ZNF385B: variants seen among roughly 807,000 people sequenced by gnomAD.
ZNF385B encodes zinc finger protein 533.
A neutral mutation model predicts 39.2 loss-of-function variants in ZNF385B; 23 were observed. That is an observed-to-expected ratio of 0.59 (90% CI 0.42 to 0.83). The LOEUF is 0.83. Among genes scored for constraint, ZNF385B ranks in the 40% least tolerant of loss-of-function variants. The probability of loss-of-function intolerance (pLI) is 0.00; values close to 1 mark genes in which losing one functional copy is unlikely to be tolerated. For missense variants in ZNF385B, 552 were observed against 598.9 expected (o/e 0.92, Z 0.82); for synonymous variants, 205 against 222.6 (o/e 0.92, Z 0.70).
intron 5 of ZNF385B, among the ~76,000 whole-genome samples, chr2:179,493,661 GTATATGCATATGCATATACA>G (rs1260050248): frequency 1.7e-5 from 2 of 116,100 alleles, no homozygotes; most frequent in Non-Finnish European, 1.8e-5. Context: ...ATACATATAT[GTATATGCATATGCATATACA>G]TATACACATA....
In ZNF385B at chr2:179,805,008, G is replaced by T. The variant is rs573310326; in HGVS notation, c.-154-34336C>A. On this transcript the variant is annotated intron_variant, in intron 1 of 9. Transcript: ENST00000410066. ...CTCATGACACTCTTCTCATCAAGAG[G>T]TGGGCAATTCAATTCCCTCATGTTG... Among the ~76,000 whole-genome samples the T allele has an allele frequency of 2.6e-5, 4 of 152,290 alleles. No homozygotes were observed. In the South Asian group the frequency reaches 8.3e-4, roughly 32 times the overall value.
intron 4 of ZNF385B, among the ~76,000 whole-genome samples, chr2:179,542,090 T>C (rs2059953069): frequency 6.6e-6 from 1 of 152,180 alleles, no homozygotes; most frequent in African/African-American, 2.4e-5. Context: ...GGTGATGTAA[T>C]AGCGTTTTCC....
At chr2:179,537,767 A>AAAAAC (rs1553602335) in intron 4 of ZNF385B, among the ~76,000 whole-genome samples, 19,973 of 124,900 alleles carry the variant, frequency 0.16, 1,400 homozygotes, top group Middle Eastern at 0.23. Context: ...ACAAACAAAC[A>AAAAAC]AAAAAAAAAA....
At chr2:179,781,342 C>G (rs1185495330) in intron 1 of ZNF385B, among the ~76,000 whole-genome samples, 13 of 152,046 alleles carry the variant, frequency 8.6e-5, no homozygotes, top group Non-Finnish European at 1.8e-4. Flanking sequence ...CACACACACA[C>G]CGACATACAT....
intron 3 of ZNF385B, among the ~76,000 whole-genome samples, chr2:179,640,439 C>T (rs1003332564): frequency 6.6e-6 from 1 of 151,650 alleles, no homozygotes; most frequent in African/African-American, 2.4e-5. Context: ...AATGTATGAA[C>T]AAAACTATAT....
At chr2:179,502,549 C>T (rs540404824) in intron 5 of ZNF385B, among the ~76,000 whole-genome samples, 1 of 152,220 alleles carries the variant, frequency 6.6e-6, no homozygotes, top group East Asian at 1.9e-4. Context: ...TCCTGCCATC[C>T]ATGTGAAGAC....
At chr2:179,581,135 G>A (rs999657910) in intron 3 of ZNF385B, among the ~76,000 whole-genome samples, 1 of 152,144 alleles carries the variant, frequency 6.6e-6, no homozygotes, top group Non-Finnish European at 1.5e-5. Flanking sequence ...TATGGCAAAA[G>A]CTTGAAACTG....
chr2:179,634,226 C>CG lies in ZNF385B; in HGVS notation c.299-89258_299-89257insC, dbSNP rs1553486422. On this transcript the variant is annotated intron_variant, in intron 3 of 9. Coordinates refer to ENST00000410066, the MANE Select transcript of ZNF385B (RefSeq NM_152520.6). Reference sequence around the variant, plus strand: ...TGACAAATGGGATCTAATTAAAGAGCTCTGCACAGCAAAAGAAACTACTAT... The same window carrying CG: ...TGACAAATGGGATCTAATTAAAGAGCGTCTGCACAGCAAAAGAAACTACTAT... Among the ~76,000 whole-genome samples, 458 of 151,276 alleles carry CG rather than the reference C, an allele frequency of 3.0e-3. 2 individuals carry two copies. The highest frequency in any genetic ancestry group is 0.011 in the African/African-American group (439 of 41,372).
chr2:179,469,921 G>C (rs2052545401), intron 6 of ZNF385B, among the ~76,000 whole-genome samples: 1 of 152,216 alleles, frequency 6.6e-6, no homozygotes, highest in Non-Finnish European at 1.5e-5. Context: ...GGCATGTACA[G>C]ATCATAAGAC....
intron 3 of ZNF385B, among the ~76,000 whole-genome samples, chr2:179,558,812 C>T (rs920915376): frequency 2.6e-5 from 4 of 152,166 alleles, no homozygotes. Context: ...GCCATTCTCA[C>T]CCAGGAGCGG....
At chr2:179,538,806 C>CCCTTGTACTTGTGCTTT (rs1270984080) in intron 4 of ZNF385B, among the ~76,000 whole-genome samples, 3 of 152,172 alleles carry the variant, frequency 2.0e-5, no homozygotes, top group African/African-American at 7.2e-5. Context: ...GTAGTGACTG[C>CCCTTGTACTTGTGCTTT]CCTTGTACTT....
At chr2:179,741,590 G>C (rs1414578880) in intron 3 of ZNF385B, among the ~76,000 whole-genome samples, 2 of 152,070 alleles carry the variant, frequency 1.3e-5, no homozygotes, top group Non-Finnish European at 2.9e-5. Flanking sequence ...AATTGGGATA[G>C]CTTGGGTGTG....
chr2:179,548,446 T>G (rs954281903), intron 3 of ZNF385B, among the ~76,000 whole-genome samples: 1 of 149,732 alleles, frequency 6.7e-6, no homozygotes, highest in Admixed American at 6.6e-5. Context: ...TATAACAACT[T>G]TATTGAGGTA....
Position 179,485,398 on chromosome 2 carries a change from A to C in ZNF385B, c.553-1964T>G, listed in dbSNP as rs141679483. Among the ~76,000 whole-genome samples, 865 of 152,172 alleles carry C rather than the reference A, an allele frequency of 5.7e-3. 3 individuals are homozygous for C. Among genetic ancestry groups the C allele is most frequent in the Middle Eastern group, 0.014 (4 of 294 alleles). ...TAAGGTTGATTATTGTGTGTTGTTGAAGTGTTTCTTCTGACTTTCCTGCTT... is the reference window on the plus strand; with the variant it reads ...TAAGGTTGATTATTGTGTGTTGTTGCAGTGTTTCTTCTGACTTTCCTGCTT... On this transcript the variant is annotated intron_variant, in intron 5 of 9. Coordinates refer to ENST00000410066, the MANE Select transcript of ZNF385B (RefSeq NM_152520.6).
chr2:179,502,792 C>G (rs770714053), intron 5 of ZNF385B, among the ~76,000 whole-genome samples: 28 of 152,120 alleles, frequency 1.8e-4, no homozygotes, highest in Admixed American at 3.9e-4. Flanking sequence ...ACCTTCACCC[C>G]CACATTCAAT....
At chr2:179,647,399 T>C (rs965850333) in intron 3 of ZNF385B, among the ~76,000 whole-genome samples, 1 of 152,126 alleles carries the variant, frequency 6.6e-6, no homozygotes, top group Non-Finnish European at 1.5e-5. Flanking sequence ...TACTTAGAGC[T>C]GTCTAGAGCC....
At chr2:179,607,828 G>A (rs536278428) in intron 3 of ZNF385B, among the ~76,000 whole-genome samples, 4 of 151,362 alleles carry the variant, frequency 2.6e-5, no homozygotes, top group East Asian at 3.9e-4. Context: ...ATATTACTTC[G>A]ATTTACTTAT....
At chr2:179,743,567 C>G (rs1702201039) in intron 3 of ZNF385B, among the ~76,000 whole-genome samples, 1 of 152,024 alleles carries the variant, frequency 6.6e-6, no homozygotes, top group Non-Finnish European at 1.5e-5. Flanking sequence ...AATATGTACT[C>G]TATTCCACCT....
At chr2:179,583,942 A>G in intron 3 of ZNF385B, 1 of 1,304,102 alleles carries the variant, frequency 7.7e-7, no homozygotes, top group South Asian at 1.2e-5. Context: ...CCATCCATCA[A>G]CATACCCACT....
Sources: gnomAD v4.1 joint callset for allele counts (sites outside exome capture counted in the v4.1 genomes callset) on GRCh38, gnomAD v4.1.1 for gene constraint, MANE v1.5 for transcripts, NCBI Gene and HGNC (gene_info 2026-07-23, HGNC 2026-07-21) for gene names.